The following DAB2IP variants were observed in gnomAD, a reference collection of about 807,000 sequenced individuals.
DAB2IP encodes DAB2 interacting protein.
A neutral mutation model predicts 107.2 loss-of-function variants in DAB2IP; 28 were observed. That is an observed-to-expected ratio of 0.26 (90% CI 0.19 to 0.36). DAB2IP has a LOEUF of 0.36. Among genes scored for constraint, DAB2IP ranks in the 10% least tolerant of loss-of-function variants. The probability of loss-of-function intolerance (pLI) is 1.00; values close to 1 mark genes in which losing one functional copy is unlikely to be tolerated. For synonymous variants in DAB2IP, 755 were observed against 706.4 expected, an observed-to-expected ratio of 1.07 and a Z score of -1.09; for missense variants, 1,400 against 1,644.7, an observed-to-expected ratio of 0.85 and a Z score of 2.57.
In DAB2IP at chr9:121,599,625, C is replaced by T. The variant is rs1279539386; in HGVS notation, c.40+32397C>T. On this transcript the variant is annotated intron_variant, in intron 1 of 16. Coordinates refer to the DAB2IP transcript ENST00000259371. This position sits in a 1 kb window ranked among gnomAD's most constrained non-coding sequence, Gnocchi z 6.9. ...CCTACTCCGCCCGCCCCGCTCCACT[C>T]GGCCCAGCTGGCGCGAAGGAAACTT... is the stretch of plus-strand genomic sequence containing the variant. Among the ~76,000 whole-genome samples the T allele has an allele frequency of 6.6e-6, 1 of 152,152 alleles. No homozygotes were observed. Among genetic ancestry groups the T allele is most frequent in the Non-Finnish European group, 1.5e-5 (1 of 68,022 alleles).
At chr9:121,738,734 G>C (rs964020477) in intron 3 of DAB2IP, among the ~76,000 whole-genome samples, 18 of 152,234 alleles carry the variant, frequency 1.2e-4, no homozygotes, top group African/African-American at 4.3e-4. Flanking sequence ...CCTGGCTCTT[G>C]ATTTCTTGTG....
At chr9:121,733,244 A>G (rs562656661) in intron 3 of DAB2IP, among the ~76,000 whole-genome samples, 1 of 152,058 alleles carries the variant, frequency 6.6e-6, no homozygotes, top group South Asian at 2.1e-4. Context: ...TTTTAGCAGC[A>G]CCCTCCTTTA....
chr9:121,600,025 G>A (rs1221394570), intron 1 of DAB2IP, among the ~76,000 whole-genome samples: 1 of 152,146 alleles, frequency 6.6e-6, no homozygotes, highest in Non-Finnish European at 1.5e-5. Flanking sequence ...CGGGACCCAG[G>A]GCTGGCGCTG....
At chr9:121,697,069 T>C (rs1829465379) in intron 2 of DAB2IP, among the ~76,000 whole-genome samples, 1 of 151,750 alleles carries the variant, frequency 6.6e-6, no homozygotes. Flanking sequence ...GGTGGGGGAG[T>C]TACCATTCTG....
At chr9:121,571,708 G>A (rs1023715421) in intron 1 of DAB2IP, among the ~76,000 whole-genome samples, 2 of 152,104 alleles carry the variant, frequency 1.3e-5, no homozygotes, top group Non-Finnish European at 2.9e-5. Flanking sequence ...GGGATCCGCA[G>A]CCACTGGCAC....
chr9:121,679,295 G>T (rs183032985), intron 2 of DAB2IP, among the ~76,000 whole-genome samples: 1 of 152,016 alleles, frequency 6.6e-6, no homozygotes, highest in Admixed American at 6.6e-5. Flanking sequence ...CTATTGAACT[G>T]AGTGGTCCCC....
intron 1 of DAB2IP, among the ~76,000 whole-genome samples, chr9:121,611,412 G>A (rs1831092015): frequency 6.6e-6 from 1 of 152,162 alleles, no homozygotes; most frequent in Non-Finnish European, 1.5e-5. Context: ...GACAGGCTAA[G>A]GGTGTGTGTG....
At chr9:121,724,133 G>A (rs910785342) in intron 3 of DAB2IP, among the ~76,000 whole-genome samples, 9 of 152,060 alleles carry the variant, frequency 5.9e-5, no homozygotes, top group Admixed American at 2.0e-4. Flanking sequence ...GTGCCCTGCC[G>A]TCATGGCTCC....
intron 2 of DAB2IP, among the ~76,000 whole-genome samples, chr9:121,681,465 G>A (rs1316988001): frequency 3.9e-5 from 6 of 152,068 alleles, no homozygotes; most frequent in South Asian, 2.1e-4. Context: ...TGGGAACCTC[G>A]AGCTGCCTGG....
chr9:121,609,778 G>A (rs983875435), intron 1 of DAB2IP, among the ~76,000 whole-genome samples: 1 of 152,224 alleles, frequency 6.6e-6, no homozygotes, highest in African/African-American at 2.4e-5. Flanking sequence ...TGGATCTCCA[G>A]GGCTATCTTG....
chr9:121,703,235 G>A (rs1365188539), intron 3 of DAB2IP, among the ~76,000 whole-genome samples: 1 of 152,190 alleles, frequency 6.6e-6, no homozygotes, highest in Non-Finnish European at 1.5e-5. Context: ...CTGGAGGAGG[G>A]AGAGTGAGGA....
intron 3 of DAB2IP, among the ~76,000 whole-genome samples, chr9:121,707,110 G>C (rs867916372): frequency 3.3e-5 from 5 of 152,356 alleles, no homozygotes; most frequent in Admixed American, 6.5e-5. Flanking sequence ...TTATCCCCTT[G>C]TAGACCTCAG....
chr9:121,695,283 C>T (rs536462012), intron 2 of DAB2IP, among the ~76,000 whole-genome samples: 1 of 152,148 alleles, frequency 6.6e-6, no homozygotes, highest in African/African-American at 2.4e-5. Flanking sequence ...CAGACTGACT[C>T]CCACCCTTGG....
chr9:121,641,960 TTCTCTC>T (rs72270529), intron 1 of DAB2IP, among the ~76,000 whole-genome samples: 3 of 110,116 alleles, frequency 2.7e-5, no homozygotes, highest in Non-Finnish European at 5.3e-5. Flanking sequence ...CTTTCTTTCT[TTCTCTC>T]TCTCTCTTTC....
intron 1 of DAB2IP, among the ~76,000 whole-genome samples, chr9:121,657,603 T>C (rs1589463670): frequency 6.6e-6 from 1 of 152,182 alleles, no homozygotes; most frequent in South Asian, 2.1e-4. Flanking sequence ...GGTGGTGAAA[T>C]AACTGGTTTG....
At chr9:121,754,659 G>A (rs1833352096) in intron 3 of DAB2IP, among the ~76,000 whole-genome samples, 1 of 152,184 alleles carries the variant, frequency 6.6e-6, no homozygotes, top group Non-Finnish European at 1.5e-5. Flanking sequence ...GAGCATGCTT[G>A]TGGGACATGG....
rs1198779794 is a variant in DAB2IP at position 121,772,462 on chromosome 9, A to ACCCCAGCGCATCCATCT, written c.2079-135_2079-119dup. On this transcript the variant is annotated intron_variant, in intron 11 of 15. Coordinates refer to ENST00000408936, the Ensembl canonical transcript of DAB2IP. The surrounding 1 kb of genome is among the most constrained non-coding windows in gnomAD (Gnocchi z 4.7). ...GTCCCCGGATTCTCCCACTCCTGCC[A>ACCCCAGCGCATCCATCT]CCCCAGCGCATCCATCTCCCCAGCG... The ACCCCAGCGCATCCATCT allele has an allele frequency of 4.3e-5, 36 of 845,840 alleles. No individual in the cohort carries two copies. In the East Asian group the frequency reaches 8.7e-4, roughly 20 times the overall value. The allele number at this position is 845,840 out of a possible 1,614,324, so 52.4% of individuals were successfully genotyped here.
At chr9:121,594,456 C>T (rs930196022) in intron 1 of DAB2IP, among the ~76,000 whole-genome samples, 5 of 151,066 alleles carry the variant, frequency 3.3e-5, no homozygotes, top group Non-Finnish European at 7.4e-5. Context: ...AGGCTGGTCT[C>T]GAACTCCTGA....
chr9:121,646,622 C>G (rs781506741), upstream of DAB2IP, among the ~76,000 whole-genome samples: 1 of 151,826 alleles, frequency 6.6e-6, no homozygotes, highest in East Asian at 1.9e-4. Context: ...CGGTCACCAC[C>G]ACCCACCCTC....
Sources: allele counts gnomAD v4.1 joint callset (sites outside exome capture counted in the v4.1 genomes callset), GRCh38; gene constraint gnomAD v4.1.1; non-coding constraint Gnocchi (gnomAD v3.1); transcripts MANE v1.5; gene names NCBI Gene and HGNC (gene_info 2026-07-23, HGNC 2026-07-21).